NCKAP5: variants seen among roughly 807,000 people sequenced by gnomAD.
NCKAP5 encodes the protein NCK associated protein 5, also known as nck-associated protein 5.
A neutral mutation model predicts 167.0 loss-of-function variants in NCKAP5; 92 were observed. The observed-to-expected ratio is 0.55, with a 90% CI of 0.47 to 0.66. The LOEUF is 0.66. NCKAP5 is among the 30% of genes least tolerant of loss of function. The probability of loss-of-function intolerance (pLI) is 0.00; values close to 1 mark genes in which losing one functional copy is unlikely to be tolerated. For missense variants in NCKAP5, 2,378 were observed against 2,315.0 expected (o/e 1.03, Z -0.56); for synonymous variants, 891 against 877.4 (o/e 1.02, Z -0.27).
intron 7 of NCKAP5, among the ~76,000 whole-genome samples, chr2:132,980,392 G>T (rs2077099458): frequency 6.6e-6 from 1 of 152,128 alleles, no homozygotes; most frequent in Non-Finnish European, 1.5e-5. Context: ...AATCCTTAGG[G>T]TGGAACCAGC....
Position 132,782,347 on chromosome 2 carries a change from T to C in NCKAP5, c.4464A>G (p.Gln1488=), listed in dbSNP as rs767396559. 5.0e-6 allele frequency: 8 copies of C among 1,614,064 alleles called. No homozygotes were observed. The highest frequency in any genetic ancestry group is 1.6e-4 in the Middle Eastern group (1 of 6,062). Residue 1488 remains glutamine, a synonymous_variant, in exon 14 of 20, where the codon CAA becomes CAG. Coordinates refer to ENST00000409261, the MANE Select transcript of NCKAP5 (RefSeq NM_207363.3). ...LCIQENVEKG[Q]VQTKPTSVEA... ...CCACAGAGGTGGGCTTTGTTTGCAC[T>C]TGGCCCTTTTCCACATTTTCCTGAA...
intron 6 of NCKAP5, among the ~76,000 whole-genome samples, chr2:133,110,095 C>T (rs1478319391): frequency 6.6e-6 from 1 of 152,182 alleles, no homozygotes; most frequent in Non-Finnish European, 1.5e-5. Context: ...CTGCCACAGC[C>T]TTGCAGGATA....
At chr2:133,188,995 A>C (rs768600813) in intron 5 of NCKAP5, among the ~76,000 whole-genome samples, 2 of 152,182 alleles carry the variant, frequency 1.3e-5, no homozygotes, top group Non-Finnish European at 2.9e-5. Context: ...TGAATCCAGG[A>C]GCTGGTTTTT....
At chr2:132,736,920 C>T (rs189149145) in intron 16 of NCKAP5, among the ~76,000 whole-genome samples, 52 of 152,328 alleles carry the variant, frequency 3.4e-4, no homozygotes, top group East Asian at 9.6e-4. Context: ...GATGTACCAA[C>T]GGGCTTCATC....
intron 6 of NCKAP5, among the ~76,000 whole-genome samples, chr2:133,019,668 A>G (rs895244021): frequency 5.9e-5 from 9 of 152,208 alleles, no homozygotes; most frequent in African/African-American, 2.2e-4. Flanking sequence ...CACTAGACCT[A>G]AGAGTGCATT....
chr2:133,532,045 G>T (rs990109068), intron 2 of NCKAP5, among the ~76,000 whole-genome samples: 1 of 152,132 alleles, frequency 6.6e-6, no homozygotes, highest in Admixed American at 6.5e-5. Flanking sequence ...AACCTAGAAC[G>T]ATATACAGCA....
intron 8 of NCKAP5, among the ~76,000 whole-genome samples, chr2:132,907,731 C>T (rs535832665): frequency 6.6e-6 from 1 of 152,018 alleles, no homozygotes; most frequent in Non-Finnish European, 1.5e-5. Context: ...GATCTTGGCT[C>T]ACTGCAAGCT....
At chr2:133,544,265 A>T (rs1381771518) in intron 2 of NCKAP5, among the ~76,000 whole-genome samples, 1 of 152,188 alleles carries the variant, frequency 6.6e-6, no homozygotes, top group Non-Finnish European at 1.5e-5. Flanking sequence ...ATATTCTATT[A>T]TTAAAATATA....
chr2:132,804,182 C>T (rs927958685), intron 11 of NCKAP5, among the ~76,000 whole-genome samples: 4 of 152,156 alleles, frequency 2.6e-5, no homozygotes, highest in Admixed American at 1.3e-4. Context: ...GCCAGTCAGA[C>T]GTGTGGGCAG....
chr2:133,047,744 A>T (rs1249711781), intron 6 of NCKAP5, among the ~76,000 whole-genome samples: 2 of 152,194 alleles, frequency 1.3e-5, no homozygotes, highest in Non-Finnish European at 1.5e-5. Flanking sequence ...TCAAGAGGGA[A>T]CAGGGAGTCA....
chr2:132,953,815 G>C (rs574578014), intron 8 of NCKAP5, among the ~76,000 whole-genome samples: 18 of 152,310 alleles, frequency 1.2e-4, no homozygotes, highest in African/African-American at 3.4e-4. Flanking sequence ...TGATGGAACT[G>C]CTGGTTGAAA....
intron 6 of NCKAP5, among the ~76,000 whole-genome samples, chr2:133,030,431 T>C (rs527281731): frequency 1.3e-5 from 2 of 152,262 alleles, no homozygotes; most frequent in Non-Finnish European, 2.9e-5. Context: ...TCGAAAGGTC[T>C]CTCAGTTCTC....
intron 8 of NCKAP5, among the ~76,000 whole-genome samples, chr2:132,881,901 A>G (rs898402642): frequency 5.5e-5 from 8 of 146,040 alleles, no homozygotes; most frequent in African/African-American, 1.2e-4. Context: ...GCAACCATCA[A>G]TGATTTTTAA....
In NCKAP5 at chr2:132,673,150, T is replaced by G. The variant is rs1325377116; in HGVS notation, c.*139A>C. Reference sequence around the variant, plus strand: ...TCAAAGATGTCTCTTCATTTTTTTCTTTTTCTTCCTTCTGTCCTTCAACCT... The same window carrying G: ...TCAAAGATGTCTCTTCATTTTTTTCGTTTTCTTCCTTCTGTCCTTCAACCT... On this transcript the variant is annotated 3_prime_UTR_variant, in exon 20 of 20. Transcript: ENST00000409261. The G allele has an allele frequency of 7.4e-7, 1 of 1,360,282 alleles. No homozygotes were observed. Among genetic ancestry groups the G allele is most frequent in the Non-Finnish European group, 9.4e-7 (1 of 1,060,138 alleles). The allele number at this position is 1,360,282 out of a possible 1,614,324, so 84.3% of individuals were successfully genotyped here.
intron 1 of NCKAP5, among the ~76,000 whole-genome samples, chr2:133,564,632 A>G (rs1324128413): frequency 1.3e-5 from 2 of 152,176 alleles, no homozygotes; most frequent in Non-Finnish European, 2.9e-5. Context: ...TGAGAGAAGT[A>G]AGAGGGGAGA....
intron 4 of NCKAP5, among the ~76,000 whole-genome samples, chr2:133,297,175 G>A (rs1373566922): frequency 9.5e-6 from 1 of 105,086 alleles, no homozygotes; most frequent in East Asian, 2.5e-4. Context: ...CAGTGTGTGT[G>A]TGTGTGTGTG....
At position 133,025,189 on chromosome 2, in the gene NCKAP5, G is replaced by A. The variant is rs531194917; in HGVS notation, c.342-30950C>T. On this transcript the variant is annotated intron_variant, in intron 6 of 19. Coordinates refer to ENST00000409261, the MANE Select transcript of NCKAP5 (RefSeq NM_207363.3). ...TCTTTTGTGGTTGAAGTATGATGTTGCAAGAAGATTTAAAACTAGGCAACA... is the reference window on the plus strand; with the variant it reads ...TCTTTTGTGGTTGAAGTATGATGTTACAAGAAGATTTAAAACTAGGCAACA... 2.0e-5 allele frequency among the ~76,000 whole-genome samples: 3 copies of A among 152,248 alleles called. No homozygotes were observed. The South Asian group carries it at 6.2e-4, about 32-fold the overall frequency.
chr2:133,025,901 G>T (rs1033814548), intron 6 of NCKAP5, among the ~76,000 whole-genome samples: 1 of 152,098 alleles, frequency 6.6e-6, no homozygotes, highest in Non-Finnish European at 1.5e-5. Context: ...TGCCATGGTG[G>T]TTTGCTGCAC....
At chr2:133,450,466 A>G (rs1691484007) in intron 3 of NCKAP5, among the ~76,000 whole-genome samples, 1 of 152,214 alleles carries the variant, frequency 6.6e-6, no homozygotes, top group Admixed American at 6.5e-5. Context: ...AAAGCCATTC[A>G]TATTGAGATT....
Sources: allele counts gnomAD v4.1 joint callset (sites outside exome capture counted in the v4.1 genomes callset), GRCh38; gene constraint gnomAD v4.1.1; transcripts MANE v1.5; gene names NCBI Gene and HGNC (gene_info 2026-07-23, HGNC 2026-07-21).